The following TENM2 variants were observed in gnomAD, a reference collection of about 807,000 sequenced individuals.
The protein encoded by TENM2 is teneurin-2.
In TENM2, 52 loss-of-function variants were observed where a neutral mutation model predicts 245.2. That is an observed-to-expected ratio of 0.21 (90% CI 0.17 to 0.27). The LOEUF is 0.27. Ranked by LOEUF, TENM2 falls within the 10% of genes least tolerant of loss-of-function variation. TENM2 has a pLI of 1.00. For missense variants in TENM2, 3,046 were observed against 3,666.8 expected, an observed-to-expected ratio of 0.83 and a Z score of 4.37; for synonymous variants, 1,363 against 1,438.9, an observed-to-expected ratio of 0.95 and a Z score of 1.19.
chr5:167,682,094 ATCCCTCCCTCCCTCCC>A (rs1210507799), intron 2 of TENM2, among the ~76,000 whole-genome samples: 23 of 92,296 alleles, frequency 2.5e-4, no homozygotes, highest in African/African-American at 6.7e-4. Context: ...TCCTTCCTCC[ATCCCTCCCTCCCTCCC>A]TCCCTCCCTC....
chr5:167,590,142 G>C (rs962809218), intron 2 of TENM2, among the ~76,000 whole-genome samples: 11 of 151,824 alleles, frequency 7.2e-5, no homozygotes, highest in South Asian at 4.2e-4. Context: ...AATATTTTTA[G>C]GATATAAGAA....
intron 2 of TENM2, among the ~76,000 whole-genome samples, chr5:167,412,091 C>T (rs967946917): frequency 2.0e-5 from 3 of 152,092 alleles, no homozygotes; most frequent in African/African-American, 7.2e-5. Flanking sequence ...CACCTGGAAG[C>T]TCTATCAAAA....
At chr5:168,131,092 A>G (rs1754540471) in intron 12 of TENM2, among the ~76,000 whole-genome samples, 1 of 152,212 alleles carries the variant, frequency 6.6e-6, no homozygotes, top group Non-Finnish European at 1.5e-5. Flanking sequence ...TGCAAGAAGA[A>G]GCCAACATTT....
chr5:167,034,867 G>A, the TENM2 span, among the ~76,000 whole-genome samples: 2 of 151,926 alleles, frequency 1.3e-5, no homozygotes, highest in Admixed American at 6.6e-5. Context: ...CTAAGATGCC[G>A]GGCATTTGTG....
At chr5:167,346,658 A>G (rs1404111062) in intron 1 of TENM2, among the ~76,000 whole-genome samples, 1 of 152,210 alleles carries the variant, frequency 6.6e-6, no homozygotes, top group Non-Finnish European at 1.5e-5. Context: ...TGCCAGTTTC[A>G]TGGATGCTGG....
chr5:167,349,344 G>A (rs770635352), intron 1 of TENM2, among the ~76,000 whole-genome samples: 1 of 152,056 alleles, frequency 6.6e-6, no homozygotes, highest in Non-Finnish European at 1.5e-5. Context: ...CAAAAACTGG[G>A]ATTTATAGAG....
chr5:167,084,326 G>GTTAT, the TENM2 span, among the ~76,000 whole-genome samples: 1 of 6,748 alleles, frequency 1.5e-4, no homozygotes, highest in African/African-American at 3.1e-4. Flanking sequence ...AGCCATTTTA[G>GTTAT]TTATATATAT....
chr5:167,678,925 T>C (rs1389690319), intron 2 of TENM2, among the ~76,000 whole-genome samples: 3 of 152,134 alleles, frequency 2.0e-5, no homozygotes, highest in Admixed American at 2.0e-4. Context: ...AAACTAAAAT[T>C]TAATAACTTT....
At chr5:167,871,179 A>G (rs1310840503) in intron 2 of TENM2, among the ~76,000 whole-genome samples, 1 of 152,128 alleles carries the variant, frequency 6.6e-6, no homozygotes, top group Non-Finnish European at 1.5e-5. Flanking sequence ...GGTGTAGGAT[A>G]AGGTTTTCAG....
the TENM2 span, among the ~76,000 whole-genome samples, chr5:167,204,380 G>A: frequency 6.6e-6 from 1 of 152,178 alleles, no homozygotes; most frequent in African/African-American, 2.4e-5. Context: ...GAAGATTAAT[G>A]TGGACAAACC....
chr5:167,823,031 G>A (rs10060956), intron 2 of TENM2, among the ~76,000 whole-genome samples: 17,125 of 152,200 alleles, frequency 0.11, 1,005 homozygotes, highest in African/African-American at 0.13. Context: ...GTATCCGTTT[G>A]ATAAAGGTTG....
chr5:167,471,041 A>C (rs529216073), intron 2 of TENM2, among the ~76,000 whole-genome samples: 1 of 152,168 alleles, frequency 6.6e-6, no homozygotes, highest in Non-Finnish European at 1.5e-5. Context: ...CTGTCAAATA[A>C]TGAAAGATAG....
At chr5:168,262,376 C>G (rs1322370006) in exon 29 of TENM2, 1 of 1,600,952 alleles carries the variant, frequency 6.2e-7, no homozygotes, top group Non-Finnish European at 8.5e-7. Context: ...CGATGGCGAC[C>G]TGGTCACACT....
the TENM2 span, among the ~76,000 whole-genome samples, chr5:167,034,487 G>A: frequency 5.9e-5 from 9 of 151,886 alleles, no homozygotes; most frequent in East Asian, 1.9e-4. Flanking sequence ...AAAATTAGCC[G>A]GGCGTGGTGG....
chr5:167,474,851 T>A (rs1475295277), intron 2 of TENM2, among the ~76,000 whole-genome samples: 1 of 152,180 alleles, frequency 6.6e-6, no homozygotes, highest in Non-Finnish European at 1.5e-5. Flanking sequence ...TTGGCATGCT[T>A]ATTTGAAAGA....
At chr5:167,808,299 A>T (rs1347707915) in intron 2 of TENM2, among the ~76,000 whole-genome samples, 2 of 152,156 alleles carry the variant, frequency 1.3e-5, no homozygotes, top group African/African-American at 4.8e-5. Flanking sequence ...TCACTCTGTC[A>T]CCCAGGCTGG....
the TENM2 span, among the ~76,000 whole-genome samples, chr5:167,140,053 A>T: frequency 2.6e-5 from 4 of 152,170 alleles, no homozygotes; most frequent in Non-Finnish European, 4.4e-5. Context: ...AAAGTTACTC[A>T]ACTAAAACGT....
the TENM2 span, among the ~76,000 whole-genome samples, chr5:167,037,110 G>A: frequency 1.3e-5 from 2 of 152,156 alleles, no homozygotes; most frequent in Admixed American, 6.5e-5. Flanking sequence ...ACCAGAATTT[G>A]TGAATCCTTA....
chr5:167,866,220 T>C (rs1772309121), intron 2 of TENM2, among the ~76,000 whole-genome samples: 1 of 152,214 alleles, frequency 6.6e-6, no homozygotes, highest in African/African-American at 2.4e-5. Flanking sequence ...GTTTGCCAGC[T>C]GGGCGTGGTG....
Sources: allele counts gnomAD v4.1 joint callset (sites outside exome capture counted in the v4.1 genomes callset), GRCh38; gene constraint gnomAD v4.1.1; transcripts MANE v1.5; gene names NCBI Gene and HGNC (gene_info 2026-07-23, HGNC 2026-07-21).